Variants in CBFA2T2 observed in about 807,000 individuals in gnomAD.
The protein encoded by CBFA2T2 is CBFA2/RUNX1 partner transcriptional co-repressor 2, also known as protein CBFA2T2.
In CBFA2T2, 11 loss-of-function variants were observed where a neutral mutation model predicts 62.2. That is an observed-to-expected ratio of 0.18 (90% CI 0.11 to 0.29). CBFA2T2 has a LOEUF of 0.29. CBFA2T2 is among the 10% of genes least tolerant of loss of function. CBFA2T2 has a pLI of 1.00. For missense variants in CBFA2T2, 592 were observed against 774.1 expected (o/e 0.76, Z 2.79); for synonymous variants, 295 against 287.5 (o/e 1.03, Z -0.27).
chr20:33,604,162 A>G (rs1395352217), intron 1 of CBFA2T2, among the ~76,000 whole-genome samples: 1 of 152,168 alleles, frequency 6.6e-6, no homozygotes, highest in Non-Finnish European at 1.5e-5. Flanking sequence ...CCTATTTTCC[A>G]CAGAAAACAG....
intron 1 of CBFA2T2, among the ~76,000 whole-genome samples, chr20:33,494,572 C>T (rs193169848): frequency 7.3e-5 from 11 of 151,324 alleles, no homozygotes; most frequent in Non-Finnish European, 7.4e-5. Flanking sequence ...TGAGCCACCG[C>T]GCCCGGCCAC....
intron 1 of CBFA2T2, among the ~76,000 whole-genome samples, chr20:33,526,178 C>T (rs187897668): frequency 3.3e-4 from 51 of 152,314 alleles, no homozygotes; most frequent in African/African-American, 1.2e-3. Flanking sequence ...TGAGCCACCG[C>T]GCCTGGCCTT....
At chr20:33,642,510 G>T (rs116253221) in intron 10 of CBFA2T2, among the ~76,000 whole-genome samples, 3,405 of 152,168 alleles carry the variant, frequency 0.022, 121 homozygotes, top group African/African-American at 0.078. Context: ...GGAGGCTGGG[G>T]CAGGAGGATC....
At chr20:33,592,112 C>T (rs2014672873) in intron 1 of CBFA2T2, among the ~76,000 whole-genome samples, 1 of 152,116 alleles carries the variant, frequency 6.6e-6, no homozygotes, top group Non-Finnish European at 1.5e-5. Flanking sequence ...CCTGTTATCT[C>T]AGCACTTTGG....
rs866702938 is a variant in CBFA2T2, at chr20:33,574,160, G to A, written c.35-32796G>A. 6 of 1,608,004 alleles carry A rather than the reference G, an allele frequency of 3.7e-6. No homozygotes were observed. In the Middle Eastern group the frequency reaches 1.0e-3, roughly 267 times the overall value. The stretch of plus-strand genomic sequence containing the variant: ...GCACAATCCTGACTGTACCTGTGAT[G>A]TTGCATTCATCTTTTGGAACATAAG... On this transcript the variant is annotated intron_variant, in intron 1 of 10. Coordinates refer to ENST00000342704, the MANE Select transcript of CBFA2T2 (RefSeq NM_001032999.3).
At chr20:33,596,036 T>C (rs2146931592) in intron 1 of CBFA2T2, among the ~76,000 whole-genome samples, 1 of 152,362 alleles carries the variant, frequency 6.6e-6, no homozygotes, top group East Asian at 1.9e-4. Context: ...CCTTTGACTA[T>C]TCAAGAATAT....
chr20:33,492,876 G>A (rs1218390272), intron 1 of CBFA2T2, among the ~76,000 whole-genome samples: 1 of 151,938 alleles, frequency 6.6e-6, no homozygotes, highest in African/African-American at 2.4e-5. Flanking sequence ...GTAGTACTCA[G>A]CCTCCTGAGG....
chr20:33,591,645 A>G (rs556552899), intron 1 of CBFA2T2, among the ~76,000 whole-genome samples: 1 of 152,304 alleles, frequency 6.6e-6, no homozygotes, highest in East Asian at 1.9e-4. Flanking sequence ...CACATATACC[A>G]TTTCATTGGA....
intron 1 of CBFA2T2, among the ~76,000 whole-genome samples, chr20:33,492,039 C>T (rs998729931): frequency 6.6e-6 from 1 of 152,014 alleles, no homozygotes; most frequent in Non-Finnish European, 1.5e-5. Context: ...CCTGCCACCA[C>T]ACCTGACTAA....
At chr20:33,597,395 A>G (rs939046794) in intron 1 of CBFA2T2, among the ~76,000 whole-genome samples, 1 of 152,120 alleles carries the variant, frequency 6.6e-6, no homozygotes, top group African/African-American at 2.4e-5. Flanking sequence ...GCATTCCACT[A>G]CCTGGGGGTT....
chr20:33,568,157 A>C (rs901900074), intron 1 of CBFA2T2, among the ~76,000 whole-genome samples: 1 of 152,246 alleles, frequency 6.6e-6, no homozygotes, highest in Non-Finnish European at 1.5e-5. Context: ...CAGCTGTAAA[A>C]TGGGAATAAA....
chr20:33,560,440 T>G (rs1176705819), intron 1 of CBFA2T2, among the ~76,000 whole-genome samples: 1 of 152,220 alleles, frequency 6.6e-6, no homozygotes, highest in Non-Finnish European at 1.5e-5. Context: ...GAGACAATAA[T>G]ACCTACCTTA....
chr20:33,602,229 C>G (rs1024605131), intron 1 of CBFA2T2, among the ~76,000 whole-genome samples: 2 of 151,916 alleles, frequency 1.3e-5, no homozygotes, highest in Non-Finnish European at 2.9e-5. Context: ...TGAAATATCC[C>G]CAGGGACAGA....
At chr20:33,582,230 C>T (rs1189749516) in intron 1 of CBFA2T2, among the ~76,000 whole-genome samples, 12 of 152,002 alleles carry the variant, frequency 7.9e-5, no homozygotes, top group Admixed American at 7.9e-4. Flanking sequence ...CGGTGGCTCA[C>T]GCCTGTAATC....
chr20:33,593,925 T>C (rs1415611972), intron 1 of CBFA2T2, among the ~76,000 whole-genome samples: 1 of 152,078 alleles, frequency 6.6e-6, no homozygotes, highest in Admixed American at 6.6e-5. Context: ...AACTGCTGAG[T>C]AGATCATGGC....
intron 4 of CBFA2T2, among the ~76,000 whole-genome samples, chr20:33,621,848 A>T (rs2016002814): frequency 6.6e-6 from 1 of 152,206 alleles, no homozygotes; most frequent in Non-Finnish European, 1.5e-5. Flanking sequence ...ATGGCATTGA[A>T]GCCTCGGCTG....
At chr20:33,534,188 T>G (rs2012138985) in intron 1 of CBFA2T2, among the ~76,000 whole-genome samples, 1 of 152,266 alleles carries the variant, frequency 6.6e-6, no homozygotes, top group South Asian at 2.1e-4. Flanking sequence ...ATGTTTTAAC[T>G]ATTTAAGAAA....
chr20:33,502,039 C>T (rs1224865944), intron 1 of CBFA2T2, among the ~76,000 whole-genome samples: 1 of 152,206 alleles, frequency 6.6e-6, no homozygotes, highest in East Asian at 1.9e-4. Context: ...ATTCTCCCAC[C>T]TCAAGCTCCG....
chr20:33,532,937 C>T (rs2012101413), intron 1 of CBFA2T2, among the ~76,000 whole-genome samples: 1 of 152,182 alleles, frequency 6.6e-6, no homozygotes, highest in Admixed American at 6.5e-5. Context: ...TTCTCACTGC[C>T]TACAGATGAT....
Sources: allele counts gnomAD v4.1 joint callset (sites outside exome capture counted in the v4.1 genomes callset), GRCh38; gene constraint gnomAD v4.1.1; transcripts MANE v1.5; gene names NCBI Gene and HGNC (gene_info 2026-07-23, HGNC 2026-07-21).